RHEB: variants seen among roughly 807,000 people sequenced by gnomAD.
RHEB encodes the protein GTP-binding protein Rheb.
In RHEB, 2 loss-of-function variants were observed where a neutral mutation model predicts 28.8. That is an observed-to-expected ratio of 0.07 (90% CI 0.03 to 0.22). The LOEUF (loss-of-function observed/expected upper bound fraction) is 0.22, where lower values mean the gene tolerates loss of function less well. Among genes scored for constraint, RHEB ranks in the 10% least tolerant of loss-of-function variants. The pLI, the probability that RHEB is intolerant of heterozygous loss-of-function variation, is 1.00. For synonymous variants in RHEB, 69 were observed against 77.3 expected (o/e 0.89, Z 0.56); for missense variants, 76 against 219.9 (o/e 0.35, Z 4.14).
intron 4 of RHEB, among the ~76,000 whole-genome samples, chr7:151,474,703 C>T (rs1563091928): frequency 6.6e-6 from 1 of 152,220 alleles, no homozygotes; most frequent in East Asian, 1.9e-4. Context: ...GCTTTATTTA[C>T]TCAGAAAGAG....
intron 7 of RHEB, among the ~76,000 whole-genome samples, chr7:151,469,089 GT>G (rs1802114369): frequency 6.6e-6 from 1 of 152,144 alleles, no homozygotes; most frequent in Non-Finnish European, 1.5e-5. Flanking sequence ...TGAATTCTGT[GT>G]ATACTCAGAA....
At chr7:151,470,703 A>G (rs1260175566) in intron 6 of RHEB, 51 bp from the exon 7 acceptor site, 1 of 1,232,582 alleles carries the variant, frequency 8.1e-7, no homozygotes, top group South Asian at 1.3e-5. Flanking sequence ...TCATTATATA[A>G]AACATGTATA....
At position 151,468,267 on chromosome 7, in the gene RHEB, C is replaced by A. The variant is rs1218872635; in HGVS notation, c.463-1056G>T. ...CCCCACAAGGGGCCTGATTTGTTGA[C>A]CCTATTATTACATCTCCCCTGTCCC... On this transcript the variant is annotated intron_variant, in intron 7 of 7. Coordinates refer to ENST00000262187, the MANE Select transcript of RHEB (RefSeq NM_005614.4). This position sits in a 1 kb window ranked among gnomAD's most constrained non-coding sequence, Gnocchi z 4.3. 6.6e-6 allele frequency among the ~76,000 whole-genome samples: 1 copy of A among 152,256 alleles called. No homozygotes were observed. The highest frequency in any genetic ancestry group is 1.5e-5 in the Non-Finnish European group (1 of 68,048).
intron 4 of RHEB, among the ~76,000 whole-genome samples, chr7:151,476,802 C>T (rs1247853676): frequency 6.6e-6 from 1 of 152,202 alleles, no homozygotes. Flanking sequence ...ACTGCTCCTC[C>T]TGATAATACA....
chr7:151,491,888 A>G (rs1267407926), intron 1 of RHEB, among the ~76,000 whole-genome samples: 2 of 152,214 alleles, frequency 1.3e-5, no homozygotes, highest in Admixed American at 6.5e-5. Context: ...ATCGCCAATA[A>G]TTGAACTTGT....
In RHEB at chr7:151,497,920, A is replaced by T. The variant is rs568714625; in HGVS notation, c.53-6906T>A. On this transcript the variant is annotated intron_variant, in intron 1 of 7. Coordinates refer to ENST00000262187, the MANE Select transcript of RHEB (RefSeq NM_005614.4). The stretch of plus-strand genomic sequence containing the variant: ...ATAATGGTATCTCTGAAATATTTAA[A>T]TATACTTAAAAATCCAACGGGGCAT... Among the ~76,000 whole-genome samples the T allele has an allele frequency of 1.8e-4, 28 of 152,290 alleles. No individual in the cohort carries two copies. The South Asian group carries it at 5.0e-3, about 27-fold the overall frequency.
At chr7:151,503,353 C>T (rs1306664376) in intron 1 of RHEB, 13 of 909,706 alleles carry the variant, frequency 1.4e-5, no homozygotes, top group Non-Finnish European at 2.0e-5. Context: ...AGACGGGTCT[C>T]GGTTTGTGAA....
At chr7:151,491,129 A>G in intron 1 of RHEB, 115 bp from the exon 2 acceptor site, 2 of 660,772 alleles carry the variant, frequency 3.0e-6, no homozygotes, top group Non-Finnish European at 5.3e-6. Context: ...TATCAGGGTC[A>G]GAAAACATTC....
chr7:151,467,053 G>A lies in RHEB; in HGVS notation c.*66C>T. The A allele has an allele frequency of 1.7e-6, 2 of 1,165,418 alleles. No individual in the cohort carries two copies. Among genetic ancestry groups the A allele is most frequent in the Non-Finnish European group, 2.6e-6 (2 of 774,854 alleles). The allele number at this position is 1,165,418 out of a possible 1,614,324, so 72.2% of individuals were successfully genotyped here. A position where few individuals can be genotyped will look rare whatever the true frequency, so the allele number is the denominator to read the frequency against. ...AAAAAGAAGCATAGTTTATCTTCAA[G>A]GAGAACGGGCAGTTTGCTTCTTCAG... On this transcript the variant is annotated 3_prime_UTR_variant, in exon 8 of 8. Coordinates refer to ENST00000262187, the MANE Select transcript of RHEB (RefSeq NM_005614.4).
intron 1 of RHEB, chr7:151,502,254 T>G: frequency 1.8e-6 from 1 of 562,016 alleles, no homozygotes; most frequent in Non-Finnish European, 3.2e-6. Context: ...AAAAGGAGCT[T>G]GGAGGCAGCC....
chr7:151,508,897 A>G (rs1802934822), intron 1 of RHEB, among the ~76,000 whole-genome samples: 1 of 152,220 alleles, frequency 6.6e-6, no homozygotes, highest in Non-Finnish European at 1.5e-5. Context: ...AAATACTTCC[A>G]TAGAAGTCTA....
chr7:151,468,692 C>G lies in RHEB; in HGVS notation c.463-1481G>C, dbSNP rs1006465976. On this transcript the variant is annotated intron_variant, in intron 7 of 7. Coordinates refer to ENST00000262187, the MANE Select transcript of RHEB (RefSeq NM_005614.4). The surrounding 1 kb of genome is among the most constrained non-coding windows in gnomAD (Gnocchi z 4.3). ...TCCATCCACCAAGCTGACCCACCCACTTGAATGTGGGCTCCCATCCTCAGC... is the reference window on the plus strand; with the variant it reads ...TCCATCCACCAAGCTGACCCACCCAGTTGAATGTGGGCTCCCATCCTCAGC... Among the ~76,000 whole-genome samples the G allele has an allele frequency of 6.6e-6, 1 of 152,266 alleles. No homozygotes were observed. The highest frequency in any genetic ancestry group is 1.5e-5 in the Non-Finnish European group (1 of 68,048).
chr7:151,491,723 C>A (rs1802585451), intron 1 of RHEB, among the ~76,000 whole-genome samples: 1 of 142,402 alleles, frequency 7.0e-6, no homozygotes, highest in Admixed American at 7.1e-5. Flanking sequence ...GGCGACAGAG[C>A]AAGACCCTGT....
intron 2 of RHEB, among the ~76,000 whole-genome samples, chr7:151,485,043 A>G (rs746761053): frequency 6.6e-6 from 1 of 152,226 alleles, no homozygotes; most frequent in Non-Finnish European, 1.5e-5. Flanking sequence ...TTTTTCAAAG[A>G]GACAAAGTAC....
intron 4 of RHEB, among the ~76,000 whole-genome samples, chr7:151,476,237 T>A (rs1158567831): frequency 6.6e-6 from 1 of 152,198 alleles, no homozygotes; most frequent in Non-Finnish European, 1.5e-5. Flanking sequence ...CAGACTGAAT[T>A]TTCACTGGCA....
Position 151,467,229 on chromosome 7 carries a change from C to G in RHEB, c.463-18G>C. The G allele has an allele frequency of 1.3e-6, 2 of 1,579,654 alleles. No individual in the cohort carries two copies. The highest frequency in any genetic ancestry group is 1.7e-6 in the Non-Finnish European group (2 of 1,148,848). ...ACAGCAGTCTGAAAAGAGAAAGAAA[C>G]CCAATCACAGTGTTAGTGTGAAGCC... On this transcript the variant is annotated intron_variant, in intron 7 of 7. Transcript: ENST00000262187.
At chr7:151,467,290 T>C in intron 7 of RHEB, 79 bp from the exon 8 acceptor site, 4 of 1,050,328 alleles carry the variant, frequency 3.8e-6, no homozygotes, top group Non-Finnish European at 5.9e-6. Context: ...GAGGAGGGCG[T>C]GCCGCCTGCC....
At chr7:151,471,368 G>A (rs1477823467) in intron 6 of RHEB, 26 bp downstream of exon 6, 8 of 1,409,106 alleles carry the variant, frequency 5.7e-6, no homozygotes, top group Non-Finnish European at 7.0e-6. Flanking sequence ...AATCATCTTA[G>A]ATTTGACTTT....
intron 7 of RHEB, among the ~76,000 whole-genome samples, chr7:151,469,737 G>A (rs914974185): frequency 6.6e-6 from 1 of 152,188 alleles, no homozygotes; most frequent in South Asian, 2.1e-4. Context: ...ACAGGAGATG[G>A]TGTGTTTAAG....
Sources: gnomAD v4.1 joint callset for allele counts (sites outside exome capture counted in the v4.1 genomes callset) on GRCh38, gnomAD v4.1.1 for gene constraint, Gnocchi (gnomAD v3.1) non-coding constraint, MANE v1.5 for transcripts, NCBI Gene and HGNC (gene_info 2026-07-23, HGNC 2026-07-21) for gene names.